The following HRK variants were observed in gnomAD, a reference collection of about 807,000 sequenced individuals.
HRK encodes the protein activator of apoptosis harakiri.
Under a neutral mutation model 5.9 loss-of-function variants are expected in HRK, and 6 were observed. The ratio of observed to expected loss-of-function variants is 1.02; its 90% CI spans 0.56 to 2.01. The LOEUF (loss-of-function observed/expected upper bound fraction) is 2.01, where lower values mean the gene tolerates loss of function less well. Ranked by LOEUF, HRK falls within the 30% of genes most tolerant of loss-of-function variation. The probability of loss-of-function intolerance (pLI) is 0.00; values close to 1 mark genes in which losing one functional copy is unlikely to be tolerated. For missense variants in HRK, 133 were observed against 128.3 expected (o/e 1.04, Z -0.18); for synonymous variants, 85 against 65.1 (o/e 1.31, Z -1.47).
chr12:116,876,542 C>T (rs974952736), intron 1 of HRK: 2 of 152,282 alleles, frequency 1.3e-5, no homozygotes, highest in Non-Finnish European at 2.9e-5. Flanking sequence ...CCCTCTCTCC[C>T]CTTCCCCTGC....
At chr12:116,869,502 T>C (rs1223544916) in intron 1 of HRK, 2 of 152,228 alleles carry the variant, frequency 1.3e-5, no homozygotes, top group African/African-American at 4.8e-5. Flanking sequence ...CCAGCACAGA[T>C]GCTATTATTC....
Position 116,865,491 on chromosome 12 carries a change from C to T in HRK, c.*57-4025G>A, listed in dbSNP as rs548509890. 5.3e-5 allele frequency among the ~76,000 whole-genome samples: 8 copies of T among 152,304 alleles called. 2 individuals carry two copies. The South Asian group carries it at 1.7e-3, about 32-fold the overall frequency. Reference sequence around the variant, plus strand: ...GCAGTGAGCTGAGATCATGCCTCTGCACTCCATCCTGGGCAACAGAGCCAG... The same window carrying T: ...GCAGTGAGCTGAGATCATGCCTCTGTACTCCATCCTGGGCAACAGAGCCAG... On this transcript the variant is annotated intron_variant, in intron 1 of 1. Transcript: ENST00000257572.
intron 1 of HRK, among the ~76,000 whole-genome samples, chr12:116,866,062 A>T (rs919667896): frequency 1.4e-5 from 2 of 147,890 alleles, no homozygotes; most frequent in African/African-American, 2.5e-5. Context: ...GGAGGCTGAG[A>T]CAGGAGAATC....
chr12:116,858,573 GTC>G lies in HRK; in HGVS notation c.*2948_*2949del, dbSNP rs1491562916. 4.8e-5 allele frequency: 2 copies of G among 42,062 alleles called. No individual in the cohort carries two copies. The highest frequency in any genetic ancestry group is 4.3e-5 in the Non-Finnish European group (1 of 23,206). The allele number at this position is 42,062 out of a possible 1,614,324, so 2.6% of individuals were successfully genotyped here. ...TCAGAGGCCTCCCTCTGCTTGTACGGTCACACACACACACACACACACACACA... is the reference window on the plus strand; with the variant it reads ...TCAGAGGCCTCCCTCTGCTTGTACGGACACACACACACACACACACACACA... On this transcript the variant is annotated 3_prime_UTR_variant, in exon 2 of 2. Transcript: ENST00000257572.
In HRK at chr12:116,881,129, G is replaced by A; in HGVS notation, c.179C>T (p.Pro60Leu). The A allele has an allele frequency of 1.7e-6, 2 of 1,210,596 alleles. No individual in the cohort carries two copies. Among genetic ancestry groups the A allele is most frequent in the Middle Eastern group, 3.3e-4 (1 of 3,060 alleles). The allele number at this position is 1,210,596 out of a possible 1,614,324, so 75.0% of individuals were successfully genotyped here. A position where few individuals can be genotyped will look rare whatever the true frequency, so the allele number is the denominator to read the frequency against. ...GTAGGTGGGGAGCGCGCCGGGCGCCGGCGCCCTCCGGCTCCGCGCGCGGCG... is the reference window on the plus strand; with the variant it reads ...GTAGGTGGGGAGCGCGCCGGGCGCCAGCGCCCTCCGGCTCCGCGCGCGGCG... ...WRRRARSRRAPAPGALPTYWP... is the reference protein window; with the variant it reads ...WRRRARSRRALAPGALPTYWP... The change falls in exon 1 of 2, where the codon CCG (proline) becomes CTG (leucine). Residue 60 changes from proline to leucine, a missense_variant. Physicochemically the swap from Pro to Leu is moderately conservative, Grantham distance 98. Coordinates refer to ENST00000257572, the MANE Select transcript of HRK (RefSeq NM_003806.4).
chr12:116,870,119 C>A (rs1318395803), intron 1 of HRK, among the ~76,000 whole-genome samples: 1 of 152,048 alleles, frequency 6.6e-6, no homozygotes, highest in Non-Finnish European at 1.5e-5. Flanking sequence ...AATGGTACCT[C>A]TTCTTGAATC....
Position 116,858,931 on chromosome 12 carries a change from C to G in HRK, c.*2592G>C, listed in dbSNP as rs968745453. ...TATATCATGCTTCAATTTCCTAATA[C>G]AAATGTCCATCAAGAAGTCAAATCT... is the stretch of plus-strand genomic sequence containing the variant. On this transcript the variant is annotated 3_prime_UTR_variant, in exon 2 of 2. Coordinates refer to ENST00000257572, the MANE Select transcript of HRK (RefSeq NM_003806.4). The G allele has an allele frequency of 6.6e-6, 1 of 152,048 alleles. No individual in the cohort carries two copies. Among genetic ancestry groups the G allele is most frequent in the Non-Finnish European group, 1.5e-5 (1 of 68,008 alleles). The allele number at this position is 152,048 out of a possible 1,614,324, so 9.4% of individuals were successfully genotyped here. A position where few individuals can be genotyped will look rare whatever the true frequency, so the allele number is the denominator to read the frequency against.
rs1380223179 is a variant in HRK at position 116,862,452 on chromosome 12, A to C, written c.*57-986T>G. The stretch of plus-strand genomic sequence containing the variant: ...TTGAAGGCATCATGCTAAGTCAAAG[A>C]AGCCAGACACAAAAGGACACATATT... On this transcript the variant is annotated intron_variant, in intron 1 of 1. Transcript: ENST00000257572. The surrounding 1 kb of genome is among the most constrained non-coding windows in gnomAD (Gnocchi z 4.0). Among the ~76,000 whole-genome samples the C allele has an allele frequency of 1.3e-5, 2 of 152,224 alleles. No homozygotes were observed. The highest frequency in any genetic ancestry group is 6.5e-5 in the Admixed American group (1 of 15,294).
chr12:116,865,798 A>C (rs1878521920), intron 1 of HRK, among the ~76,000 whole-genome samples: 1 of 152,068 alleles, frequency 6.6e-6, no homozygotes, highest in Non-Finnish European at 1.5e-5. Flanking sequence ...GCCCAGCACA[A>C]CGCCCAGCGT....
intron 1 of HRK, among the ~76,000 whole-genome samples, chr12:116,864,115 A>C (rs527343623): frequency 7.9e-5 from 12 of 152,310 alleles, no homozygotes; most frequent in Admixed American, 4.6e-4. Context: ...TCAATTGATA[A>C]ATACATTCTA....
chr12:116,863,730 G>A (rs1474601543), intron 1 of HRK, among the ~76,000 whole-genome samples: 4 of 147,106 alleles, frequency 2.7e-5, no homozygotes, highest in East Asian at 2.0e-4. Flanking sequence ...ACTGGGTCTC[G>A]CTCTGCCACC....
rs1879039516 is a variant in HRK, at chr12:116,879,030, C to T, written c.*56+1946G>A. 1 of 152,384 alleles carries T rather than the reference C, an allele frequency of 6.6e-6. No individual in the cohort carries two copies. The highest frequency in any genetic ancestry group is 1.5e-5 in the Non-Finnish European group (1 of 68,204). 9.4% of individuals were successfully genotyped at this position (152,384 alleles called of 1,614,324 possible). On this transcript the variant is annotated intron_variant, in intron 1 of 1. Coordinates refer to ENST00000257572, the MANE Select transcript of HRK (RefSeq NM_003806.4). The surrounding 1 kb of genome is among the most constrained non-coding windows in gnomAD (Gnocchi z 5.6). Reference sequence around the variant, plus strand: ...GCAATCTGCCCGCCCCGCCCGCAGCCTCCCCTTCCAGGCCCCGGGAGCATT... The same window carrying T: ...GCAATCTGCCCGCCCCGCCCGCAGCTTCCCCTTCCAGGCCCCGGGAGCATT...
At chr12:116,871,421 G>C (rs375306362) in intron 1 of HRK, among the ~76,000 whole-genome samples, 1 of 151,664 alleles carries the variant, frequency 6.6e-6, no homozygotes, top group African/African-American at 2.4e-5. Flanking sequence ...TCTTGCCTCA[G>C]CCTCCCAAGT....
At position 116,879,652 on chromosome 12, in the gene HRK, G is replaced by T. The variant is rs1009300096; in HGVS notation, c.*56+1324C>A. 2 of 152,142 alleles carry T rather than the reference G, an allele frequency of 1.3e-5. No individual in the cohort carries two copies. Among genetic ancestry groups the T allele is most frequent in the Non-Finnish European group, 2.9e-5 (2 of 68,006 alleles). The allele number at this position is 152,142 out of a possible 1,614,324, so 9.4% of individuals were successfully genotyped here. A position where few individuals can be genotyped will look rare whatever the true frequency, so the allele number is the denominator to read the frequency against. On this transcript the variant is annotated intron_variant, in intron 1 of 1. Coordinates refer to ENST00000257572, the MANE Select transcript of HRK (RefSeq NM_003806.4). This position sits in a 1 kb window ranked among gnomAD's most constrained non-coding sequence, Gnocchi z 5.6. ...GAAGCGCGCATTTCTCTTCGCCAGC[G>T]CCCGGGCTGCGCGGGCCCACGCGAC...
rs917824132 is a variant in HRK, at chr12:116,859,013, G to A, written c.*2510C>T. The A allele has an allele frequency of 2.0e-5, 3 of 152,152 alleles. No individual in the cohort carries two copies. Among genetic ancestry groups the A allele is most frequent in the African/African-American group, 7.2e-5 (3 of 41,430 alleles). 9.4% of individuals were successfully genotyped at this position (152,152 alleles called of 1,614,324 possible). ...TGTCAAAAATCGGGGCAGTCGAGAA[G>A]TGCACTCCAATGAATGATGTGCAAG... On this transcript the variant is annotated 3_prime_UTR_variant, in exon 2 of 2. Coordinates refer to ENST00000257572, the MANE Select transcript of HRK (RefSeq NM_003806.4).
At chr12:116,875,527 C>T (rs1878894947) in intron 1 of HRK, among the ~76,000 whole-genome samples, 2 of 152,006 alleles carry the variant, frequency 1.3e-5, no homozygotes, top group Admixed American at 1.3e-4. Flanking sequence ...GACTATGTTG[C>T]ATAGTTTCTT....
chr12:116,876,448 G>A (rs1375683475), intron 1 of HRK, among the ~76,000 whole-genome samples: 1 of 152,192 alleles, frequency 6.6e-6, no homozygotes, highest in African/African-American at 2.4e-5. Flanking sequence ...GGGCCAGGCT[G>A]TCATTAATTC....
Position 116,881,405 on chromosome 12 carries a change from G to A in HRK, c.-98C>T, listed in dbSNP as rs1879156078. 6 of 976,062 alleles carry A rather than the reference G, an allele frequency of 6.1e-6. No individual in the cohort carries two copies. The highest frequency in any genetic ancestry group is 7.4e-6 in the Non-Finnish European group (6 of 815,636). 60.5% of individuals were successfully genotyped at this position (976,062 alleles called of 1,614,324 possible). The stretch of plus-strand genomic sequence containing the variant: ...TGCCGCCGCGCTCCAGCCGCCGGGG[G>A]CCTCCCCTGGACACCAAGTTTCTCC... On this transcript the variant is annotated 5_prime_UTR_variant, in exon 1 of 2. Transcript: ENST00000257572.
chr12:116,864,259 G>A (rs1485075525), intron 1 of HRK, among the ~76,000 whole-genome samples: 1 of 152,174 alleles, frequency 6.6e-6, no homozygotes. Context: ...AAGCACAGGT[G>A]GGATGGAAGG....
Sources: allele counts gnomAD v4.1 joint callset (sites outside exome capture counted in the v4.1 genomes callset), GRCh38; gene constraint gnomAD v4.1.1; non-coding constraint Gnocchi (gnomAD v3.1); transcripts MANE v1.5; gene names NCBI Gene and HGNC (gene_info 2026-07-23, HGNC 2026-07-21).